The following ARHGEF10L variants were observed in gnomAD, a reference collection of about 807,000 sequenced individuals.
The protein encoded by ARHGEF10L is Rho guanine nucleotide exchange factor 10 like.
A neutral mutation model predicts 141.2 loss-of-function variants in ARHGEF10L; 69 were observed. The ratio of observed to expected loss-of-function variants is 0.49; its 90% CI spans 0.40 to 0.60. ARHGEF10L has a LOEUF of 0.60. Among genes scored for constraint, ARHGEF10L ranks in the 20% least tolerant of loss-of-function variants. The pLI, the probability that ARHGEF10L is intolerant of heterozygous loss-of-function variation, is 0.00. For missense variants in ARHGEF10L, 1,482 were observed against 1,734.3 expected (o/e 0.85, Z 2.58); for synonymous variants, 711 against 718.5 (o/e 0.99, Z 0.17).
At chr1:17,593,726 C>T (rs2079811377) in intron 4 of ARHGEF10L, among the ~76,000 whole-genome samples, 1 of 152,010 alleles carries the variant, frequency 6.6e-6, no homozygotes, top group African/African-American at 2.4e-5. Flanking sequence ...CTTCTGACCT[C>T]CACACCTGTG....
chr1:17,587,409 TG>T, intron 2 of ARHGEF10L, 50 bp from the exon 3 acceptor site: 1 of 1,573,790 alleles, frequency 6.4e-7, no homozygotes, highest in Non-Finnish European at 8.6e-7. Context: ...ATCTCTCCAT[TG>T]ACCAAACCTC....
At chr1:17,618,429 G>T in intron 9 of ARHGEF10L, 1 of 1,528,574 alleles carries the variant, frequency 6.5e-7, no homozygotes, top group Admixed American at 2.1e-5. Context: ...TGCCCGGGGC[G>T]TGATGTGGGC....
intron 2 of ARHGEF10L, among the ~76,000 whole-genome samples, chr1:17,584,389 G>A (rs1321861792): frequency 6.6e-6 from 1 of 152,122 alleles, no homozygotes; most frequent in Non-Finnish European, 1.5e-5. Context: ...CATGACAACA[G>A]GGGGACAAAT....
At chr1:17,616,253 TCGGGGA>T in intron 9 of ARHGEF10L, 51 bp downstream of exon 9, 1 of 865,206 alleles carries the variant, frequency 1.2e-6, no homozygotes, top group East Asian at 3.3e-5. Flanking sequence ...TGACTGGGGG[TCGGGGA>T]GGGTGGGATT....
rs148855912 is a variant in ARHGEF10L, at chr1:17,667,901, C to T, written c.3009+3306C>T. On this transcript the variant is annotated intron_variant, in intron 26 of 28. Coordinates refer to ENST00000361221, the MANE Select transcript of ARHGEF10L (RefSeq NM_018125.4). ...CCTGTGTCCCGGCCACTTCCAACTC[C>T]GGGCAGCTGGCACCCTACCCCCTTG... Among the ~76,000 whole-genome samples the T allele has an allele frequency of 6.6e-5, 10 of 152,294 alleles. No homozygotes were observed. In the South Asian group the frequency reaches 1.7e-3, roughly 25 times the overall value.
At position 17,656,691 on chromosome 1, in the gene ARHGEF10L, C is replaced by T; in HGVS notation, c.2843C>T (p.Ala948Val). Residue 948 changes from alanine to valine, a missense_variant, in exon 25 of 29, where the codon GCT becomes GTT. Ala to Val is a moderately conservative substitution (Grantham distance 64). Coordinates refer to ENST00000361221, the MANE Select transcript of ARHGEF10L (RefSeq NM_018125.4). The surrounding 1 kb of genome is among the most constrained non-coding windows in gnomAD (Gnocchi z 4.9). ...GGCCTGCAGGATGGGACCCTTGCTG[C>T]TTACCCTCGGACCAGCGGTGAGGAC... The part of the protein sequence containing the change: ...LAGLQDGTLA[A>V]YPRTSGGVLW... 6.2e-7 allele frequency: 1 copy of T among 1,613,088 alleles called. No homozygotes were observed. The highest frequency in any genetic ancestry group is 8.5e-7 in the Non-Finnish European group (1 of 1,179,904).
chr1:17,695,173 G>A lies in ARHGEF10L; in HGVS notation c.3200G>A (p.Cys1067Tyr). The A allele has an allele frequency of 1.2e-6, 2 of 1,612,944 alleles. No homozygotes were observed. The highest frequency in any genetic ancestry group is 1.7e-6 in the Non-Finnish European group (2 of 1,179,996). Reference protein sequence around the residue: ...TFLLPGQKHLCVTSLLICQGL... With the variant: ...TFLLPGQKHLYVTSLLICQGL... ...CTTTCTGCAGGCCAGAAGCACTTGTGTGTCACCAGCCTCCTGATCTGCCAG... is the reference window on the plus strand; with the variant it reads ...CTTTCTGCAGGCCAGAAGCACTTGTATGTCACCAGCCTCCTGATCTGCCAG... Residue 1067 changes from cysteine (C) to tyrosine (Y), a missense_variant, in exon 28 of 29, where the codon TGT (cysteine) becomes TAT (tyrosine). Physicochemically the swap from Cys to Tyr is radical, Grantham distance 194. Around this residue, in one of 3 missense-constraint regions of ARHGEF10L, gnomAD observed 858 missense variants for 966.3 expected, o/e 0.89. Transcript: ENST00000361221.
chr1:17,607,852 C>T lies in ARHGEF10L; in HGVS notation c.484C>T (p.Arg162Trp), dbSNP rs145133878. Residue 162 changes from arginine (R) to tryptophan (W), a missense_variant, in exon 7 of 29, where the codon CGG (arginine) becomes TGG (tryptophan). This residue lies in a region of ARHGEF10L where 232 missense variants were observed against 225.9 expected (regional missense o/e 1.03). Transcript: ENST00000361221. The surrounding 1 kb of genome is among the most constrained non-coding windows in gnomAD (Gnocchi z 4.5). ...YEDAHRAGAP[R>W]QAEDLGWSSS... ...GGATGCGCACCGGGCTGGGGCCCCT[C>T]GGCAGGCGGAGGACCTAGGCTGGAG... 1.4e-5 allele frequency: 22 copies of T among 1,589,326 alleles called. No homozygotes were observed. In the South Asian group the frequency reaches 1.5e-4, roughly 11 times the overall value.
chr1:17,521,345 C>T, the ARHGEF10L span, among the ~76,000 whole-genome samples: 4 of 152,172 alleles, frequency 2.6e-5, no homozygotes, highest in Non-Finnish European at 2.9e-5. Flanking sequence ...TACAGGCATG[C>T]GCCACCACGC....
At chr1:17,657,847 C>A (rs754598711) in intron 25 of ARHGEF10L, among the ~76,000 whole-genome samples, 3 of 152,228 alleles carry the variant, frequency 2.0e-5, no homozygotes, top group Non-Finnish European at 4.4e-5. Flanking sequence ...CCTGTGCCAC[C>A]CTGGCGCTCT....
chr1:17,596,927 C>A (rs1354035258), intron 4 of ARHGEF10L, among the ~76,000 whole-genome samples: 4 of 152,156 alleles, frequency 2.6e-5, no homozygotes, highest in African/African-American at 7.2e-5. Context: ...TGGTGGCACA[C>A]GGGGACCTAC....
At chr1:17,605,829 C>G (rs1426374245) in intron 6 of ARHGEF10L, among the ~76,000 whole-genome samples, 3 of 152,210 alleles carry the variant, frequency 2.0e-5, no homozygotes, top group African/African-American at 7.2e-5. Flanking sequence ...AGTTCAGGGG[C>G]CTCCACTGCA....
chr1:17,680,818 C>G (rs1416651259), intron 26 of ARHGEF10L, among the ~76,000 whole-genome samples: 2 of 142,330 alleles, frequency 1.4e-5, no homozygotes, highest in East Asian at 4.2e-4. Flanking sequence ...GAGTTTCACT[C>G]TGTTGCTCAG....
intron 17 of ARHGEF10L, 96 bp from the exon 18 acceptor site, chr1:17,634,739 C>G (rs1002326791): frequency 1.4e-5 from 20 of 1,466,472 alleles, no homozygotes; most frequent in Admixed American, 2.4e-5. Flanking sequence ...CTGCGTGAAG[C>G]CTGGCTGAGC....
At chr1:17,584,874 C>A (rs1456120868) in intron 2 of ARHGEF10L, among the ~76,000 whole-genome samples, 2 of 152,138 alleles carry the variant, frequency 1.3e-5, no homozygotes, top group Non-Finnish European at 2.9e-5. Flanking sequence ...CACACACACA[C>A]ACACACCCCT....
chr1:17,652,840 G>T (rs1172368497), intron 22 of ARHGEF10L, among the ~76,000 whole-genome samples: 1 of 152,088 alleles, frequency 6.6e-6, no homozygotes, highest in Non-Finnish European at 1.5e-5. Flanking sequence ...AGCCTAAGGG[G>T]TGTAGCCCAG....
intron 4 of ARHGEF10L, among the ~76,000 whole-genome samples, chr1:17,594,808 A>C (rs2100792313): frequency 6.6e-6 from 1 of 152,254 alleles, no homozygotes; most frequent in Admixed American, 6.5e-5. Flanking sequence ...ATCTCTGTAA[A>C]GCAGGGTGAT....
In ARHGEF10L at chr1:17,580,642, C is replaced by T. The variant is rs745827742; in HGVS notation, c.37+10C>T. 1.2e-6 allele frequency: 2 copies of T among 1,614,154 alleles called. No homozygotes were observed. On this transcript the variant is annotated intron_variant, in intron 2 of 28. Coordinates refer to ENST00000361221, the MANE Select transcript of ARHGEF10L (RefSeq NM_018125.4). The stretch of plus-strand genomic sequence containing the variant: ...CCACAGCCTGCCATAGGTACCGTAC[C>T]CAGGGCTTCCTGTCCCTCTCATCCT...
At position 17,654,790 on chromosome 1, in the gene ARHGEF10L, G is replaced by C; in HGVS notation, c.2481+68G>C. The C allele has an allele frequency of 7.0e-7, 1 of 1,432,758 alleles. No homozygotes were observed. The highest frequency in any genetic ancestry group is 9.8e-7 in the Non-Finnish European group (1 of 1,022,142). 88.8% of individuals were successfully genotyped at this position (1,432,758 alleles called of 1,614,324 possible). A position where few individuals can be genotyped will look rare whatever the true frequency, so the allele number is the denominator to read the frequency against. On this transcript the variant is annotated intron_variant, in intron 23 of 28. Transcript: ENST00000361221. The surrounding 1 kb of genome is among the most constrained non-coding windows in gnomAD (Gnocchi z 4.3). ...CAGGAGTAGGGAGAGCGGCACCTGG[G>C]AGGGGGTGCTGGAGACAGCAGCTGC...
Sources: gnomAD v4.1 joint callset for allele counts (sites outside exome capture counted in the v4.1 genomes callset) on GRCh38, gnomAD v4.1.1 for gene constraint, gnomAD v4.1.1 regional missense constraint, Gnocchi (gnomAD v3.1) non-coding constraint, MANE v1.5 for transcripts, NCBI Gene and HGNC (gene_info 2026-07-23, HGNC 2026-07-21) for gene names.